Variants in NFRKB observed in about 807,000 individuals in gnomAD.
NFRKB encodes nuclear factor related to kappaB binding protein.
In NFRKB, 62 loss-of-function variants were observed where a neutral mutation model predicts 135.7. The observed-to-expected ratio is 0.46, with a 90% CI of 0.37 to 0.56. The LOEUF is 0.56. Among genes scored for constraint, NFRKB ranks in the 20% least tolerant of loss-of-function variants. NFRKB has a pLI of 0.00. For synonymous variants in NFRKB, 678 were observed against 635.6 expected, an observed-to-expected ratio of 1.07 and a Z score of -1.00; for missense variants, 1,545 against 1,662.0, an observed-to-expected ratio of 0.93 and a Z score of 1.22.
intron 3 of NFRKB, among the ~76,000 whole-genome samples, chr11:129,889,550 T>G (rs902358392): frequency 6.6e-6 from 1 of 151,448 alleles, no homozygotes; most frequent in African/African-American, 2.4e-5. Flanking sequence ...ACTCCCGAGT[T>G]ATATACTGGA....
At position 129,864,783 on chromosome 11, in the gene NFRKB, A is replaced by C; in HGVS notation, c.3842T>G (p.Val1281Gly). 1 of 1,614,204 alleles carries C rather than the reference A, an allele frequency of 6.2e-7. No individual in the cohort carries two copies. The highest frequency in any genetic ancestry group is 1.3e-5 in the African/African-American group (1 of 75,046). ...QGTASGSSKAVSTVVVTTAPS... is the reference protein window; with the variant it reads ...QGTASGSSKAGSTVVVTTAPS... ...AGCTGTAGTCACAACAACAGTGGAG[A>C]CTGCTTTGGAGGAGCCAGAAGCTGT... is the stretch of plus-strand genomic sequence containing the variant. The change falls in exon 27 of 27, where the codon GTC (valine) becomes GGC (glycine). Residue 1281 changes from valine (V) to glycine (G), a missense_variant. Transcript: ENST00000682444.
At chr11:129,877,251 GGA>G (rs1948810117) in intron 16 of NFRKB, 72 bp downstream of exon 16, 4 of 1,413,222 alleles carry the variant, frequency 2.8e-6, no homozygotes, top group Non-Finnish European at 4.0e-6. Flanking sequence ...GGTAGATGCA[GGA>G]GAGTCAGGCT....
intron 24 of NFRKB, among the ~76,000 whole-genome samples, chr11:129,868,481 G>A (rs1284900022): frequency 6.6e-6 from 1 of 152,214 alleles, no homozygotes; most frequent in Non-Finnish European, 1.5e-5. Context: ...TGCTGATGGG[G>A]CACATGTGGA....
At chr11:129,875,068 C>T (rs909656028) in intron 18 of NFRKB, 152 bp from the exon 19 acceptor site, 42 of 980,014 alleles carry the variant, frequency 4.3e-5, no homozygotes, top group African/African-American at 6.5e-5. Flanking sequence ...TTCCCCAAAT[C>T]GTTTGACGAG....
chr11:129,869,789 G>T lies in NFRKB; in HGVS notation c.3236C>A (p.Ser1079Tyr), dbSNP rs1412277563. 2 of 1,614,144 alleles carry T rather than the reference G, an allele frequency of 1.2e-6. No individual in the cohort carries two copies. Among genetic ancestry groups the T allele is most frequent in the South Asian group, 2.2e-5 (2 of 91,094 alleles). Residue 1079 changes from serine (S) to tyrosine (Y), a missense_variant, in exon 24 of 27, where the codon TCT becomes TAT. Physicochemically the swap from Ser to Tyr is moderately radical, Grantham distance 144. Coordinates refer to ENST00000682444, the MANE Select transcript of NFRKB (RefSeq NM_001143835.2). Reference protein sequence around the residue: ...ADQKGKSTVASSEAKPAATIR... With the variant: ...ADQKGKSTVAYSEAKPAATIR... The stretch of plus-strand genomic sequence containing the variant: ...CGTGGCAGCTGGTTTTGCTTCTGAA[G>T]AGGCCACTGTGCTTTTTCCCTTCTG...
intron 7 of NFRKB, among the ~76,000 whole-genome samples, chr11:129,884,518 T>C (rs1202735895): frequency 1.3e-5 from 2 of 152,200 alleles, no homozygotes; most frequent in African/African-American, 2.4e-5. Context: ...GCCCAAAATA[T>C]CAGCTTCTGA....
At chr11:129,883,948 TGTGCCCACA>T (rs1949148810) in intron 8 of NFRKB, 113 bp downstream of exon 8, 1 of 1,058,438 alleles carries the variant, frequency 9.4e-7, no homozygotes, top group Non-Finnish European at 1.5e-6. Context: ...CAGCTGCTCC[TGTGCCCACA>T]GTGGTAGGGA....
intron 8 of NFRKB, among the ~76,000 whole-genome samples, chr11:129,883,754 G>C (rs1555089735): frequency 6.6e-6 from 1 of 152,212 alleles, no homozygotes; most frequent in Non-Finnish European, 1.5e-5. Flanking sequence ...CCCAACTCCT[G>C]GCTCTGCTGC....
Position 129,871,714 on chromosome 11 carries a change from C to T in NFRKB, c.2763+1170G>A, listed in dbSNP as rs541486358. On this transcript the variant is annotated intron_variant, in intron 23 of 26. Transcript: ENST00000682444. Reference sequence around the variant, plus strand: ...GCGGCAGCCTTGCCTCTCACCTGGACGACTGCCACTGCCTCCTACAGGGGT... The same window carrying T: ...GCGGCAGCCTTGCCTCTCACCTGGATGACTGCCACTGCCTCCTACAGGGGT... Among the ~76,000 whole-genome samples, 4 of 152,292 alleles carry T rather than the reference C, an allele frequency of 2.6e-5. No individual in the cohort carries two copies. The South Asian group carries it at 6.2e-4, about 24-fold the overall frequency.
chr11:129,893,734 A>G (rs1017459126), intron 2 of NFRKB, among the ~76,000 whole-genome samples: 3 of 152,164 alleles, frequency 2.0e-5, no homozygotes, highest in Non-Finnish European at 4.4e-5. Flanking sequence ...CAACTGTGCA[A>G]AGTAAGGTCA....
Position 129,878,325 on chromosome 11 carries a change from T to G in NFRKB, c.1495A>C (p.Thr499Pro). Residue 499 changes from threonine to proline, a missense_variant, in exon 15 of 27, where the codon ACA becomes CCA. Physicochemically the swap from Thr to Pro is conservative, Grantham distance 38 (BLOSUM62 -1). Around this residue, in one of 3 missense-constraint regions of NFRKB, gnomAD observed 678 missense variants for 646.7 expected, o/e 1.05. Transcript: ENST00000682444. ...TGTACTCACACCCGAGGGACAGGTG[T>G]TGTGGCATCTGAGCTGTCTTCATTT... ...QENEDSSDAT[T>P]PVPRVRTDYV... 6.2e-7 allele frequency: 1 copy of G among 1,614,184 alleles called. No homozygotes were observed. The highest frequency in any genetic ancestry group is 1.1e-5 in the South Asian group (1 of 91,086).
chr11:129,879,407 T>C (rs1948923886), intron 13 of NFRKB, among the ~76,000 whole-genome samples: 1 of 152,114 alleles, frequency 6.6e-6, no homozygotes, highest in Admixed American at 6.5e-5. Flanking sequence ...GCCTGACAGA[T>C]GGGGGGAGTG....
At chr11:129,884,242 A>C in intron 7 of NFRKB, 99 bp from the exon 8 acceptor site, 1 of 1,202,712 alleles carries the variant, frequency 8.3e-7, no homozygotes, top group Admixed American at 1.7e-5. Flanking sequence ...TTCCCTTCTG[A>C]CACCTGTGAA....
At chr11:129,888,376 C>T (rs778604795) in intron 4 of NFRKB, 8 of 683,130 alleles carry the variant, frequency 1.2e-5, no homozygotes, top group Admixed American at 4.3e-5. Context: ...ATGCTGGTTA[C>T]AAGCTGAATT....
At chr11:129,883,895 C>T (rs1034650854) in intron 8 of NFRKB, among the ~76,000 whole-genome samples, 175 bp downstream of exon 8, 1 of 152,190 alleles carries the variant, frequency 6.6e-6, no homozygotes, top group Non-Finnish European at 1.5e-5. Flanking sequence ...CCTGCGAAGT[C>T]AAAGCCACCG....
intron 3 of NFRKB, among the ~76,000 whole-genome samples, chr11:129,892,204 C>T (rs528469749): frequency 3.3e-5 from 5 of 152,276 alleles, no homozygotes; most frequent in South Asian, 2.1e-4. Flanking sequence ...ACCCCTCACC[C>T]GACTCCCATC....
chr11:129,887,663 C>G (rs1255114454), intron 4 of NFRKB, among the ~76,000 whole-genome samples: 1 of 152,116 alleles, frequency 6.6e-6, no homozygotes, highest in East Asian at 1.9e-4. Context: ...GACGTAAGGC[C>G]CAAGCACAAT....
In NFRKB at chr11:129,870,064, T is replaced by G. The variant is rs141214975; in HGVS notation, c.2961A>C (p.Thr987=). Residue 987 remains threonine, a synonymous_variant, in exon 24 of 27, where the codon ACA becomes ACC. Transcript: ENST00000682444. ...MATLAKSQVT[T]VKLTQDLFGT... is the part of the protein sequence containing the mutation. ...CGAAGAGGTCCTGGGTCAATTTGAC[T>G]GTGGTAACCTGGGACTTGGCCAATG... The G allele has an allele frequency of 9.8e-4, 1,589 of 1,614,146 alleles. 1 individual carries two copies. Among genetic ancestry groups the G allele is most frequent in the Non-Finnish European group, 1.2e-3 (1,467 of 1,180,056 alleles).
intron 4 of NFRKB, among the ~76,000 whole-genome samples, chr11:129,887,747 G>C (rs906779586): frequency 6.6e-6 from 1 of 152,184 alleles, no homozygotes; most frequent in African/African-American, 2.4e-5. Context: ...AAGAGAATTT[G>C]AACATGAAGG....
Sources: gnomAD v4.1 joint callset for allele counts (sites outside exome capture counted in the v4.1 genomes callset) on GRCh38, gnomAD v4.1.1 for gene constraint, gnomAD v4.1.1 regional missense constraint, MANE v1.5 for transcripts, NCBI Gene and HGNC (gene_info 2026-07-23, HGNC 2026-07-21) for gene names.